Variants in NLGN1 observed in about 807,000 individuals in gnomAD.
The protein encoded by NLGN1 is neuroligin 1.
NLGN1 carries 12 observed loss-of-function variants against 65.5 expected under a neutral mutation model. The ratio of observed to expected loss-of-function variants is 0.18; its 90% confidence interval spans 0.12 to 0.30. The LOEUF is 0.30. Ranked by LOEUF, NLGN1 falls within the 10% of genes least tolerant of loss-of-function variation. The probability of loss-of-function intolerance (pLI) is 1.00; values close to 1 mark genes in which losing one functional copy is unlikely to be tolerated. For missense variants in NLGN1, 750 were observed against 1,007.1 expected, an observed-to-expected ratio of 0.74 and a Z score of 3.46; for synonymous variants, 350 against 359.5, an observed-to-expected ratio of 0.97 and a Z score of 0.30.
intron 2 of NLGN1, among the ~76,000 whole-genome samples, chr3:173,602,423 A>C (rs1015076504): frequency 6.6e-6 from 1 of 151,974 alleles, no homozygotes; most frequent in African/African-American, 2.4e-5. Context: ...AAAATGGGAT[A>C]TTTTTGTAAC....
chr3:173,599,575 A>G (rs1750089289), intron 2 of NLGN1, among the ~76,000 whole-genome samples: 1 of 152,116 alleles, frequency 6.6e-6, no homozygotes, highest in African/African-American at 2.4e-5. Flanking sequence ...CTGAAACCAG[A>G]TATTATTAAA....
At chr3:173,870,760 G>A (rs1731023410) in intron 4 of NLGN1, among the ~76,000 whole-genome samples, 3 of 152,146 alleles carry the variant, frequency 2.0e-5, no homozygotes, top group South Asian at 4.1e-4. Flanking sequence ...CACTGTGATC[G>A]AATGAAAAAT....
At chr3:174,291,568 G>A (rs60369338), downstream of NLGN1, among the ~76,000 whole-genome samples, 744 of 151,240 alleles carry the variant, frequency 4.9e-3, 3 homozygotes, top group African/African-American at 0.017. Context: ...CAAAGACAAC[G>A]CTTTATGCCA....
intron 4 of NLGN1, among the ~76,000 whole-genome samples, chr3:174,234,966 T>C (rs1235426372): frequency 6.9e-6 from 1 of 145,348 alleles, no homozygotes; most frequent in African/African-American, 2.7e-5. Context: ...TTCTGAGCTT[T>C]GTAAAATAAA....
At chr3:173,857,783 G>C (rs1728283776) in intron 4 of NLGN1, among the ~76,000 whole-genome samples, 2 of 135,004 alleles carry the variant, frequency 1.5e-5, no homozygotes, top group African/African-American at 5.7e-5. Context: ...ATTACTAAGT[G>C]AACAATTACT....
intron 2 of NLGN1, among the ~76,000 whole-genome samples, chr3:173,587,520 T>G (rs1314433759): frequency 6.6e-6 from 1 of 152,174 alleles, no homozygotes; most frequent in African/African-American, 2.4e-5. Context: ...GTTCTAGGAA[T>G]TATTGAAAAA....
intron 2 of NLGN1, among the ~76,000 whole-genome samples, chr3:173,497,329 A>G (rs1282423633): frequency 4.0e-5 from 6 of 151,626 alleles, no homozygotes; most frequent in Non-Finnish European, 7.4e-5. Context: ...TGGAGATTGC[A>G]GTGAGCCAAG....
intron 2 of NLGN1, among the ~76,000 whole-genome samples, chr3:173,517,800 ATCAT>A (rs1734089627): frequency 6.7e-6 from 1 of 150,336 alleles, no homozygotes; most frequent in Non-Finnish European, 1.5e-5. Context: ...CTATCTATCT[ATCAT>A]ATCTATCTGT....
At chr3:173,941,193 T>G (rs2152309180) in intron 4 of NLGN1, among the ~76,000 whole-genome samples, 1 of 152,186 alleles carries the variant, frequency 6.6e-6, no homozygotes, top group South Asian at 2.1e-4. Context: ...AGAATCATAA[T>G]TTGCTCTTCA....
chr3:173,839,300 A>G (rs940280927), intron 4 of NLGN1, among the ~76,000 whole-genome samples: 1 of 152,138 alleles, frequency 6.6e-6, no homozygotes, highest in Non-Finnish European at 1.5e-5. Flanking sequence ...TTATGTGCCT[A>G]TAAAATTGTC....
At position 174,198,817 on chromosome 3, in the gene NLGN1, CTT is replaced by C. The variant is rs559080926; in HGVS notation, c.647-76495_647-76494del. The stretch of plus-strand genomic sequence containing the variant: ...TGACAAAGGTAATGTGCATGAATCT[CTT>C]TTGATCTGGCCTCATGACTAGATTC... On this transcript the variant is annotated intron_variant, in intron 4 of 6. Coordinates refer to ENST00000457714, the Ensembl canonical transcript of NLGN1. 1.4e-3 allele frequency among the ~76,000 whole-genome samples: 178 copies of C among 130,488 alleles called. 1 individual carries two copies. The highest frequency in any genetic ancestry group is 4.6e-3 in the African/African-American group (166 of 36,420). 85.6% of individuals were successfully genotyped at this position (130,488 alleles called of 152,430 possible). A position where few individuals can be genotyped will look rare whatever the true frequency, so the allele number is the denominator to read the frequency against.
intron 4 of NLGN1, among the ~76,000 whole-genome samples, chr3:173,861,346 C>A (rs1052604342): frequency 1.3e-5 from 2 of 151,238 alleles, no homozygotes; most frequent in Non-Finnish European, 2.9e-5. Context: ...ATCCTTATGG[C>A]AACCACTAGA....
intron 4 of NLGN1, among the ~76,000 whole-genome samples, chr3:173,852,803 A>G (rs1183723626): frequency 6.6e-6 from 1 of 152,170 alleles, no homozygotes; most frequent in Non-Finnish European, 1.5e-5. Flanking sequence ...AAAATCTTCT[A>G]TATTCTTAAA....
chr3:173,523,894 A>G (rs1735183942), intron 2 of NLGN1, among the ~76,000 whole-genome samples: 1 of 146,082 alleles, frequency 6.8e-6, no homozygotes, highest in Non-Finnish European at 1.5e-5. Flanking sequence ...TGAGCATGAG[A>G]TGTTTTCTCA....
intron 4 of NLGN1, among the ~76,000 whole-genome samples, chr3:173,921,041 A>G (rs147814449): frequency 0.021 from 3,166 of 151,838 alleles, 63 homozygotes; most frequent in Non-Finnish European, 0.035. Context: ...TTACTTTTTA[A>G]GATGCCTTTA....
intron 4 of NLGN1, among the ~76,000 whole-genome samples, chr3:174,249,550 C>T (rs1744411843): frequency 6.6e-6 from 1 of 152,168 alleles, no homozygotes; most frequent in African/African-American, 2.4e-5. Context: ...TCCCCAGGAG[C>T]TCTGACAGAA....
chr3:174,162,234 C>G (rs7649351), intron 4 of NLGN1, among the ~76,000 whole-genome samples: 39,213 of 151,636 alleles, frequency 0.26, 6,218 homozygotes, highest in African/African-American at 0.45. Flanking sequence ...CTCTCATATT[C>G]TTAGGTTTTT....
At chr3:173,586,799 A>ATT (rs1747532478) in intron 2 of NLGN1, among the ~76,000 whole-genome samples, 1 of 152,194 alleles carries the variant, frequency 6.6e-6, no homozygotes, top group African/African-American at 2.4e-5. Context: ...TTACTCTGCT[A>ATT]TAAGTCACGT....
chr3:173,462,190 G>T (rs1723522728), intron 2 of NLGN1, among the ~76,000 whole-genome samples: 1 of 152,088 alleles, frequency 6.6e-6, no homozygotes, highest in Non-Finnish European at 1.5e-5. Flanking sequence ...ATAGCAAATA[G>T]TTGGCTCATT....
Sources: gnomAD v4.1 joint callset for allele counts (sites outside exome capture counted in the v4.1 genomes callset) on GRCh38, gnomAD v4.1.1 for gene constraint, MANE v1.5 for transcripts, NCBI Gene and HGNC (gene_info 2026-07-23, HGNC 2026-07-21) for gene names.